The following PPP2R2C variants were observed in gnomAD, a reference collection of about 807,000 sequenced individuals.
PPP2R2C encodes the protein protein phosphatase 2 regulatory subunit Bgamma.
In PPP2R2C, 10 loss-of-function variants were observed where a neutral mutation model predicts 45.3. That is an observed-to-expected ratio of 0.22 (90% CI 0.14 to 0.37). The LOEUF (loss-of-function observed/expected upper bound fraction) is 0.37. PPP2R2C is among the 10% of genes least tolerant of loss of function. PPP2R2C has a pLI of 1.00. For synonymous variants in PPP2R2C, 257 were observed against 245.4 expected (o/e 1.05, Z -0.44); for missense variants, 308 against 619.7 (o/e 0.50, Z 5.34).
In PPP2R2C at chr4:6,342,654, C is replaced by T. The variant is rs561322071; in HGVS notation, c.790+5192G>A. Among the ~76,000 whole-genome samples, 13 of 152,330 alleles carry T rather than the reference C, an allele frequency of 8.5e-5. 1 individual carries two copies. Among genetic ancestry groups the T allele is most frequent in the South Asian group, 6.2e-4 (3 of 4,822 alleles). On this transcript the variant is annotated intron_variant, in intron 6 of 8. Transcript: ENST00000382599. ...TGTTCCGGGCACGGCCCTTTCTTTC[C>T]GCAGGCTCTGTGCTGTCATAAGCAG...
intron 1 of PPP2R2C, among the ~76,000 whole-genome samples, chr4:6,539,094 C>T (rs192860648): frequency 6.6e-6 from 1 of 151,508 alleles, no homozygotes; most frequent in East Asian, 1.9e-4. Flanking sequence ...ATTGAGATGG[C>T]GTCATTAAGC....
intron 2 of PPP2R2C, among the ~76,000 whole-genome samples, chr4:6,529,047 A>G (rs1341264043): frequency 6.6e-6 from 1 of 152,242 alleles, no homozygotes; most frequent in African/African-American, 2.4e-5. Context: ...CACCAGGTTC[A>G]GAGCAGCCCA....
intron 1 of PPP2R2C, among the ~76,000 whole-genome samples, chr4:6,410,884 T>TATTC (rs1553895716): frequency 1.6e-5 from 2 of 121,840 alleles, no homozygotes; most frequent in Non-Finnish European, 3.6e-5. Context: ...TTTATTTATT[T>TATTC]ATTAGACAGA....
At chr4:6,544,477 G>C (rs1724910648) in intron 1 of PPP2R2C, among the ~76,000 whole-genome samples, 2 of 152,194 alleles carry the variant, frequency 1.3e-5, no homozygotes, top group East Asian at 3.9e-4. Flanking sequence ...TGAGTAGCTG[G>C]GATTAGAGGT....
At chr4:6,435,819 A>C (rs1462661054) in intron 1 of PPP2R2C, among the ~76,000 whole-genome samples, 2 of 152,166 alleles carry the variant, frequency 1.3e-5, no homozygotes, top group East Asian at 3.8e-4. Context: ...TAGCTTGTCC[A>C]TGTGAGACCT....
chr4:6,425,811 G>C (rs1412111588), intron 1 of PPP2R2C, among the ~76,000 whole-genome samples: 1 of 144,334 alleles, frequency 6.9e-6, no homozygotes, highest in Non-Finnish European at 1.5e-5. Flanking sequence ...ATCGATGCTT[G>C]GCTGTGTGTG....
At chr4:6,552,370 AG>A (rs1439245450) in intron 1 of PPP2R2C, among the ~76,000 whole-genome samples, 2 of 152,192 alleles carry the variant, frequency 1.3e-5, no homozygotes, top group Non-Finnish European at 2.9e-5. Context: ...TGGAGGCCCC[AG>A]GGGAGGATCC....
chr4:6,436,345 T>C (rs1719895481), intron 1 of PPP2R2C, among the ~76,000 whole-genome samples: 1 of 152,232 alleles, frequency 6.6e-6, no homozygotes, highest in African/African-American at 2.4e-5. Context: ...TGTAGAAAAT[T>C]CTGCTTTGTT....
chr4:6,335,746 G>A (rs560659091), intron 6 of PPP2R2C, among the ~76,000 whole-genome samples: 39 of 152,080 alleles, frequency 2.6e-4, no homozygotes, highest in African/African-American at 9.4e-4. Flanking sequence ...GAGGGGAGGT[G>A]AGAGGAGGGG....
At chr4:6,528,084 G>A (rs140226879) in intron 2 of PPP2R2C, among the ~76,000 whole-genome samples, 1,536 of 152,326 alleles carry the variant, frequency 0.01, 7 homozygotes, top group Non-Finnish European at 0.016. Flanking sequence ...TTCTGAGTTC[G>A]GGGCCCTGTG....
At chr4:6,375,766 T>C (rs1715247331) in intron 4 of PPP2R2C, 53 bp downstream of exon 4, 2 of 1,395,820 alleles carry the variant, frequency 1.4e-6, no homozygotes, top group East Asian at 4.7e-5. Context: ...AGCCCTAAAA[T>C]CCTCAGGTGT....
rs533692778 is a variant in PPP2R2C at position 6,377,557 on chromosome 4, G to C, written c.334+850C>G. On this transcript the variant is annotated intron_variant, in intron 3 of 8. Coordinates refer to ENST00000382599, the MANE Select transcript of PPP2R2C (RefSeq NM_020416.4). ...GCCTGTAATTCCAGCTACTCGGGAG[G>C]CTGAGGCAGAAAAATTGCTTGAACC... Among the ~76,000 whole-genome samples, 8 of 152,310 alleles carry C rather than the reference G, an allele frequency of 5.3e-5. No homozygotes were observed. The South Asian group carries it at 1.5e-3, about 28-fold the overall frequency.
At position 6,531,176 on chromosome 4, in the gene PPP2R2C, C is replaced by T. The variant is rs115669863; in HGVS notation, c.49+4095G>A. Reference sequence around the variant, plus strand: ...AGGAGGCTTCCCACCCTGAGACAGCCGGCACCGCTCTCCAGGGCAGTGTCC... The same window carrying T: ...AGGAGGCTTCCCACCCTGAGACAGCTGGCACCGCTCTCCAGGGCAGTGTCC... On this transcript the variant is annotated intron_variant, in intron 2 of 9. Transcript: ENST00000506140. 7.4e-3 allele frequency among the ~76,000 whole-genome samples: 1,133 copies of T among 152,324 alleles called. 17 individuals are homozygous for T. The highest frequency in any genetic ancestry group is 0.026 in the African/African-American group (1,080 of 41,572).
intron 5 of PPP2R2C, among the ~76,000 whole-genome samples, chr4:6,355,793 C>A (rs1713116372): frequency 6.6e-6 from 1 of 151,484 alleles, no homozygotes; most frequent in Non-Finnish European, 1.5e-5. Context: ...GAGTTTGAGA[C>A]CAGCCTAGCC....
chr4:6,365,386 T>C (rs1208950693), intron 5 of PPP2R2C, among the ~76,000 whole-genome samples: 1 of 152,242 alleles, frequency 6.6e-6, no homozygotes, highest in Non-Finnish European at 1.5e-5. Flanking sequence ...AGAGGTGGCC[T>C]GTAAGGTACC....
At chr4:6,418,017 G>T (rs1322112880) in intron 1 of PPP2R2C, among the ~76,000 whole-genome samples, 1 of 152,158 alleles carries the variant, frequency 6.6e-6, no homozygotes, top group Non-Finnish European at 1.5e-5. Flanking sequence ...AGGAGGGGGT[G>T]GGGAGAACTG....
chr4:6,382,999 C>T, intron 1 of PPP2R2C: 1 of 1,081,674 alleles, frequency 9.2e-7, no homozygotes, highest in South Asian at 2.7e-5. Flanking sequence ...GCCAAACCTT[C>T]ACCCCTCCCA....
chr4:6,381,521 T>C, intron 1 of PPP2R2C: 4 of 1,386,112 alleles, frequency 2.9e-6, no homozygotes, highest in Non-Finnish European at 3.7e-6. Context: ...AATATCTCCA[T>C]AGATAAGCGC....
At chr4:6,395,703 C>T (rs964997874) in intron 1 of PPP2R2C, among the ~76,000 whole-genome samples, 1 of 152,184 alleles carries the variant, frequency 6.6e-6, no homozygotes, top group African/African-American at 2.4e-5. Flanking sequence ...TGGCTGTGCG[C>T]TGGCCCCGTG....
Sources: gnomAD v4.1 joint callset for allele counts (sites outside exome capture counted in the v4.1 genomes callset) on GRCh38, gnomAD v4.1.1 for gene constraint, MANE v1.5 for transcripts, NCBI Gene and HGNC (gene_info 2026-07-23, HGNC 2026-07-21) for gene names.